The following IGDCC4 variants were observed in gnomAD, a reference collection of about 807,000 sequenced individuals.
IGDCC4 encodes the protein immunoglobulin superfamily DCC subclass member 4.
Under a neutral mutation model 116.6 loss-of-function variants are expected in IGDCC4, and 72 were observed. That is an observed-to-expected ratio of 0.62 (90% CI 0.51 to 0.75). The LOEUF (loss-of-function observed/expected upper bound fraction) is 0.75, where lower values mean the gene tolerates loss of function less well. IGDCC4 is among the 30% of genes least tolerant of loss of function. IGDCC4 has a pLI of 0.00. For missense variants in IGDCC4, 1,501 were observed against 1,662.4 expected, an observed-to-expected ratio of 0.90 and a Z score of 1.69; for synonymous variants, 709 against 719.9, an observed-to-expected ratio of 0.98 and a Z score of 0.24.
chr15:65,391,891 G>T lies in IGDCC4; in HGVS notation c.2213C>A (p.Ala738Glu), dbSNP rs776932088. ...AAVWKGKTEK[A>E]PAPDMPIQRG... is the part of the protein sequence containing the mutation. ...CCCACCGCCCTCACCTGGTGCCGGC[G>T]CCTTCTCCGTCTTGCCCTTCCACAC... Residue 738 changes from alanine (A) to glutamate (E), a missense_variant, in exon 12 of 20, where the codon GCG becomes GAG. This residue lies in a region of IGDCC4 where 235 missense variants were observed against 328.0 expected (regional missense o/e 0.72). Coordinates refer to ENST00000352385, the MANE Select transcript of IGDCC4 (RefSeq NM_020962.3). The T allele has an allele frequency of 6.2e-7, 1 of 1,613,270 alleles. No homozygotes were observed. Among genetic ancestry groups the T allele is most frequent in the East Asian group, 2.2e-5 (1 of 44,854 alleles).
chr15:65,407,011 A>G (rs1431696234), intron 3 of IGDCC4, among the ~76,000 whole-genome samples: 3 of 152,190 alleles, frequency 2.0e-5, no homozygotes, highest in African/African-American at 7.2e-5. Flanking sequence ...GTAATGTGAT[A>G]CAAACTTCTT....
chr15:65,422,032 G>C (rs1839311787), intron 1 of IGDCC4, among the ~76,000 whole-genome samples: 1 of 152,052 alleles, frequency 6.6e-6, no homozygotes, highest in African/African-American at 2.4e-5. Context: ...TGGGGGGTGG[G>C]GCCGGGGTGA....
chr15:65,402,685 T>C (rs998622643), intron 3 of IGDCC4, among the ~76,000 whole-genome samples, 198 bp from the exon 4 acceptor site: 1 of 152,098 alleles, frequency 6.6e-6, no homozygotes, highest in Non-Finnish European at 1.5e-5. Context: ...CTGACCAACA[T>C]GGAGAAACCC....
At chr15:65,390,129 A>G in intron 13 of IGDCC4, 26 bp downstream of exon 13, 1 of 1,478,634 alleles carries the variant, frequency 6.8e-7, no homozygotes, top group Admixed American at 1.8e-5. Context: ...TCCCTTCTTT[A>G]CATTAGTAAA....
At chr15:65,405,017 A>G (rs557119961) in intron 3 of IGDCC4, among the ~76,000 whole-genome samples, 41 of 151,888 alleles carry the variant, frequency 2.7e-4, no homozygotes, top group African/African-American at 9.9e-4. Context: ...GTGCCACCGC[A>G]CTCCAACCTG....
In IGDCC4 at chr15:65,396,995, GA is replaced by G; in HGVS notation, c.842-7del. On this transcript the variant is annotated splice_region_variant and splice_polypyrimidine_tract_variant and intron_variant, in intron 5 of 19. Coordinates refer to ENST00000352385, the MANE Select transcript of IGDCC4 (RefSeq NM_020962.3). Reference sequence around the variant, plus strand: ...TGTGGAGATGGGCTTCCCGTCTGGGGAAGGAGAGGGAGACGCGCTGGAGGGG... The same window carrying G: ...TGTGGAGATGGGCTTCCCGTCTGGGGAGGAGAGGGAGACGCGCTGGAGGGG... 1 of 1,575,972 alleles carries G rather than the reference GA, an allele frequency of 6.3e-7. No homozygotes were observed. Among genetic ancestry groups the G allele is most frequent in the Admixed American group, 1.8e-5 (1 of 54,262 alleles).
chr15:65,384,177 G>C lies in IGDCC4; in HGVS notation c.3585C>G (p.Asp1195Glu). 9 of 1,613,506 alleles carry C rather than the reference G, an allele frequency of 5.6e-6. No individual in the cohort carries two copies. The highest frequency in any genetic ancestry group is 1.1e-5 in the South Asian group (1 of 91,034). ...CTGCCTCTGGCAAGCAGGTAAGTCT[G>C]TCTGGCCCGGGGGCTGCCAGCTCAC... ...GGCELAAPGP[D>E]RLTCLPEAAS... The change falls in exon 20 of 20, where the codon GAC (aspartate) becomes GAG (glutamate). Residue 1195 changes from aspartate (D) to glutamate (E), a missense_variant. Physicochemically the swap from Asp to Glu is conservative, Grantham distance 45. Transcript: ENST00000352385. The surrounding 1 kb of genome is among the most constrained non-coding windows in gnomAD (Gnocchi z 4.9).
rs1009120826 is a variant in IGDCC4 at position 65,383,945 on chromosome 15, C to T, written c.*64G>A. On this transcript the variant is annotated 3_prime_UTR_variant, in exon 20 of 20. Coordinates refer to ENST00000352385, the MANE Select transcript of IGDCC4 (RefSeq NM_020962.3). ...CAGGCACACATGTGGACATACACGG[C>T]CACAGGTATCGCATCCTATGTGATC... The T allele has an allele frequency of 6.3e-6, 9 of 1,427,178 alleles. No individual in the cohort carries two copies. The African/African-American group carries it at 1.3e-4, about 20-fold the overall frequency. 88.4% of individuals were successfully genotyped at this position (1,427,178 alleles called of 1,614,324 possible).
At chr15:65,422,519 A>AACACAC (rs140587709) in intron 1 of IGDCC4, among the ~76,000 whole-genome samples, 6,971 of 131,238 alleles carry the variant, frequency 0.053, 283 homozygotes, top group East Asian at 0.094. Context: ...GAGCACTCCC[A>AACACAC]ACACACACAC....
At position 65,384,380 on chromosome 15, in the gene IGDCC4, G is replaced by T; in HGVS notation, c.3382C>A (p.Gln1128Lys). ...TGGACAATGACTTCAGCCTCCACCT[G>T]GTTCCTGCAGGCTGGGGGTGACTTC... ...RKKSPPACRN[Q>K]VEAEVIVHSD... Residue 1128 changes from glutamine (Q) to lysine (K), a missense_variant, in exon 20 of 20, where the codon CAG (glutamine) becomes AAG (lysine). Physicochemically the swap from Gln to Lys is moderately conservative, Grantham distance 53. This residue lies in a region of IGDCC4 where 368 missense variants were observed against 355.6 expected (regional missense o/e 1.03). Coordinates refer to ENST00000352385, the MANE Select transcript of IGDCC4 (RefSeq NM_020962.3). This position sits in a 1 kb window ranked among gnomAD's most constrained non-coding sequence, Gnocchi z 4.9. The T allele has an allele frequency of 1.3e-6, 2 of 1,536,940 alleles. No homozygotes were observed. The highest frequency in any genetic ancestry group is 1.7e-6 in the Non-Finnish European group (2 of 1,143,930).
Position 65,384,538 on chromosome 15 carries a change from T to C in IGDCC4, c.3343-119A>G. On this transcript the variant is annotated intron_variant, in intron 19 of 19. Coordinates refer to ENST00000352385, the MANE Select transcript of IGDCC4 (RefSeq NM_020962.3). This position sits in a 1 kb window ranked among gnomAD's most constrained non-coding sequence, Gnocchi z 4.9. The stretch of plus-strand genomic sequence containing the variant: ...CATCAGAGTAAGTATCACATGGGAG[T>C]CGGTGAAGGATACACAGGAACTGTT... 2 of 990,594 alleles carry C rather than the reference T, an allele frequency of 2.0e-6. No homozygotes were observed. The highest frequency in any genetic ancestry group is 2.9e-6 in the Non-Finnish European group (2 of 691,090). 61.4% of individuals were successfully genotyped at this position (990,594 alleles called of 1,614,324 possible).
intron 1 of IGDCC4, among the ~76,000 whole-genome samples, chr15:65,414,588 T>C (rs1474652048): frequency 3.3e-5 from 5 of 152,218 alleles, no homozygotes; most frequent in African/African-American, 9.7e-5. Flanking sequence ...AGACAATGTA[T>C]GTCAGGGCTA....
intron 3 of IGDCC4, among the ~76,000 whole-genome samples, chr15:65,402,808 G>T (rs984496774): frequency 6.6e-6 from 1 of 152,002 alleles, no homozygotes; most frequent in Non-Finnish European, 1.5e-5. Context: ...CGGAGGTTGC[G>T]GTGAGCCAAG....
At chr15:65,402,634 G>T (rs373066026) in intron 3 of IGDCC4, 147 bp from the exon 4 acceptor site, 2 of 1,066,394 alleles carry the variant, frequency 1.9e-6, no homozygotes, top group East Asian at 2.7e-5. Context: ...TTTGGGAGGC[G>T]AGGCGGGCGA....
chr15:65,421,357 G>A (rs1450327891), intron 1 of IGDCC4, among the ~76,000 whole-genome samples: 1 of 152,188 alleles, frequency 6.6e-6, no homozygotes, highest in African/African-American at 2.4e-5. Context: ...CTGAGCTCTG[G>A]GAAGACAGAC....
intron 4 of IGDCC4, among the ~76,000 whole-genome samples, chr15:65,401,511 A>G (rs1403233093): frequency 6.6e-6 from 1 of 152,126 alleles, no homozygotes; most frequent in Non-Finnish European, 1.5e-5. Context: ...GTGGAGGCAG[A>G]TACCCCTTGA....
intron 3 of IGDCC4, among the ~76,000 whole-genome samples, chr15:65,408,692 C>T (rs2063061925): frequency 6.6e-6 from 1 of 152,190 alleles, no homozygotes; most frequent in Non-Finnish European, 1.5e-5. Context: ...ATAAAGGCCA[C>T]GCTTTGGGAA....
Position 65,388,939 on chromosome 15 carries a change from A to T in IGDCC4, c.2576T>A (p.Leu859Gln). ...GTGCAGCCGAACCGTGGACGGTGTC[A>T]GGGGGCTCAGTCGCAGGTCGGATGG... ...TPPSDLRLSP[L>Q]TPSTVRLHWC... The change falls in exon 15 of 20, where the codon CTG becomes CAG. Residue 859 changes from leucine (L) to glutamine (Q), a missense_variant. Transcript: ENST00000352385. 1 of 1,611,980 alleles carries T rather than the reference A, an allele frequency of 6.2e-7. No individual in the cohort carries two copies. The highest frequency in any genetic ancestry group is 8.5e-7 in the Non-Finnish European group (1 of 1,179,142).
chr15:65,406,066 G>T (rs1377475063), intron 3 of IGDCC4, among the ~76,000 whole-genome samples: 1 of 152,330 alleles, frequency 6.6e-6, no homozygotes, highest in East Asian at 1.9e-4. Flanking sequence ...AGAGGGTAGG[G>T]CCGGAGCCCA....
Sources: allele counts gnomAD v4.1 joint callset (sites outside exome capture counted in the v4.1 genomes callset), GRCh38; gene constraint gnomAD v4.1.1; regional missense constraint gnomAD v4.1.1; non-coding constraint Gnocchi (gnomAD v3.1); transcripts MANE v1.5; gene names NCBI Gene and HGNC (gene_info 2026-07-23, HGNC 2026-07-21).